MGMT: variants seen among roughly 807,000 people sequenced by gnomAD.
MGMT encodes O-6-methylguanine-DNA methyltransferase.
Under a neutral mutation model 15.9 loss-of-function variants are expected in MGMT, and 14 were observed. The ratio of observed to expected loss-of-function variants is 0.88; its 90% CI spans 0.58 to 1.37. The LOEUF is 1.37. Ranked by LOEUF, MGMT falls within the 40% of genes most tolerant of loss-of-function variation. The probability of loss-of-function intolerance (pLI) is 0.00; values close to 1 mark genes in which losing one functional copy is unlikely to be tolerated. For synonymous variants in MGMT, 130 were observed against 118.2 expected (o/e 1.10, Z -0.65); for missense variants, 282 against 268.1 (o/e 1.05, Z -0.36).
At chr10:129,749,313 C>T (rs943292922) in intron 3 of MGMT, among the ~76,000 whole-genome samples, 4 of 152,142 alleles carry the variant, frequency 2.6e-5, no homozygotes, top group Admixed American at 6.5e-5. Flanking sequence ...GAAAGTGCCC[C>T]GGCAACCACT....
chr10:129,753,783 C>T (rs1405744293), intron 3 of MGMT, among the ~76,000 whole-genome samples: 1 of 152,152 alleles, frequency 6.6e-6, no homozygotes, highest in Non-Finnish European at 1.5e-5. Context: ...TCATCTCAGC[C>T]TTGGCATGAG....
intron 2 of MGMT, among the ~76,000 whole-genome samples, chr10:129,660,200 T>C (rs1471195390): frequency 6.6e-6 from 1 of 152,168 alleles, no homozygotes. Context: ...TATTAATCCT[T>C]CTTTTTCATT....
chr10:129,625,674 A>G (rs1020181153), intron 2 of MGMT, among the ~76,000 whole-genome samples: 5 of 152,244 alleles, frequency 3.3e-5, no homozygotes, highest in Admixed American at 2.6e-4. Flanking sequence ...ACTGCAAAGT[A>G]AGAATATAAA....
chr10:129,608,562 AC>A (rs1379671670), intron 2 of MGMT, among the ~76,000 whole-genome samples: 3 of 152,258 alleles, frequency 2.0e-5, no homozygotes, highest in Non-Finnish European at 4.4e-5. Context: ...TTTTTATCTT[AC>A]GCTTAAAAAG....
intron 1 of MGMT, among the ~76,000 whole-genome samples, chr10:129,497,627 T>G (rs1845535601): frequency 6.6e-6 from 1 of 152,208 alleles, no homozygotes; most frequent in African/African-American, 2.4e-5. Context: ...CTGTAAACCT[T>G]GCCATCTCTC....
intron 2 of MGMT, among the ~76,000 whole-genome samples, chr10:129,557,973 A>G (rs1407567789): frequency 6.6e-6 from 1 of 152,186 alleles, no homozygotes; most frequent in Non-Finnish European, 1.5e-5. Flanking sequence ...GCTGTGCCTC[A>G]TTTTAAACCT....
chr10:129,748,379 T>C (rs1021575376), intron 3 of MGMT, among the ~76,000 whole-genome samples: 1 of 152,218 alleles, frequency 6.6e-6, no homozygotes, highest in Non-Finnish European at 1.5e-5. Context: ...CGTACTCTCC[T>C]CATCGTGGTT....
intron 3 of MGMT, among the ~76,000 whole-genome samples, chr10:129,743,905 C>T (rs1351953003): frequency 2.0e-5 from 3 of 152,194 alleles, no homozygotes; most frequent in African/African-American, 4.8e-5. Context: ...CTTTGGAGGG[C>T]CATCCTCAGT....
chr10:129,704,154 AC>A (rs1848131597), intron 2 of MGMT, among the ~76,000 whole-genome samples: 2 of 152,106 alleles, frequency 1.3e-5, no homozygotes, highest in Non-Finnish European at 2.9e-5. Flanking sequence ...GAATTGAATG[AC>A]TGAAGGTGTG....
intron 2 of MGMT, among the ~76,000 whole-genome samples, chr10:129,646,473 A>C (rs1463160409): frequency 2.6e-5 from 4 of 151,680 alleles, no homozygotes; most frequent in Admixed American, 2.0e-4. Context: ...AACTGGGTAC[A>C]CTCTAAAGTC....
chr10:129,608,992 C>G (rs1240006473), intron 2 of MGMT, among the ~76,000 whole-genome samples: 1 of 152,246 alleles, frequency 6.6e-6, no homozygotes, highest in Admixed American at 6.5e-5. Context: ...GGCCTGCTCT[C>G]TCATGTCACC....
At position 129,566,555 on chromosome 10, in the gene MGMT, A is replaced by G. The variant is rs1180957518; in HGVS notation, c.125+30178A>G. ...TCCGTGTCTCTCTGGAGGGCCCATC[A>G]TCATCCTGGTGGAGGTGTTGCACTG... On this transcript the variant is annotated intron_variant, in intron 2 of 4. Transcript: ENST00000651593. The surrounding 1 kb of genome is among the most constrained non-coding windows in gnomAD (Gnocchi z 4.1). Among the ~76,000 whole-genome samples the G allele has an allele frequency of 6.6e-6, 1 of 152,116 alleles. No individual in the cohort carries two copies.
rs1346146011 is a variant in MGMT at position 129,699,345 on chromosome 10, T to C, written c.126-8550T>C. On this transcript the variant is annotated intron_variant, in intron 2 of 4. Transcript: ENST00000651593. ...AGTTGAAAATTTACATAAAGTGTTC[T>C]CTGTATTTTTGGTGGGTGTTTTAAA... 2.6e-5 allele frequency among the ~76,000 whole-genome samples: 4 copies of C among 152,330 alleles called. No homozygotes were observed. The South Asian group carries it at 8.3e-4, about 32-fold the overall frequency.
intron 2 of MGMT, among the ~76,000 whole-genome samples, chr10:129,575,191 A>C (rs1429803853): frequency 6.6e-6 from 1 of 152,186 alleles, no homozygotes; most frequent in African/African-American, 2.4e-5. Flanking sequence ...GACCTAATAG[A>C]CATCTACAGA....
At chr10:129,634,857 G>A (rs1335745966) in intron 2 of MGMT, among the ~76,000 whole-genome samples, 1 of 152,044 alleles carries the variant, frequency 6.6e-6, no homozygotes, top group Non-Finnish European at 1.5e-5. Flanking sequence ...CTGCTTCTTT[G>A]TGTGCCTGGT....
At chr10:129,472,589 G>A (rs982093404) in intron 1 of MGMT, among the ~76,000 whole-genome samples, 4 of 152,148 alleles carry the variant, frequency 2.6e-5, no homozygotes, top group Non-Finnish European at 5.9e-5. Context: ...ATGGGCTTCC[G>A]TTTGGACCTG....
intron 1 of MGMT, among the ~76,000 whole-genome samples, chr10:129,509,422 T>C (rs12251863): frequency 0.069 from 10,467 of 152,196 alleles, 1,208 homozygotes; most frequent in African/African-American, 0.24. Flanking sequence ...TCCTTCTCTG[T>C]GTGTGTGCCT....
At chr10:129,646,738 A>T (rs1847394735) in intron 2 of MGMT, among the ~76,000 whole-genome samples, 12 of 93,880 alleles carry the variant, frequency 1.3e-4, no homozygotes, top group Non-Finnish European at 2.5e-4. Flanking sequence ...ATATATATAT[A>T]TATATATATA....
At chr10:129,731,136 G>A (rs556115992) in intron 3 of MGMT, among the ~76,000 whole-genome samples, 1 of 152,080 alleles carries the variant, frequency 6.6e-6, no homozygotes, top group Non-Finnish European at 1.5e-5. Flanking sequence ...CTCTGAGGTC[G>A]TGTTCTGGCG....
Sources: gnomAD v4.1 joint callset for allele counts (sites outside exome capture counted in the v4.1 genomes callset) on GRCh38, gnomAD v4.1.1 for gene constraint, Gnocchi (gnomAD v3.1) non-coding constraint, MANE v1.5 for transcripts, NCBI Gene and HGNC (gene_info 2026-07-23, HGNC 2026-07-21) for gene names.